The following MGA variants were observed in gnomAD, a reference collection of about 807,000 sequenced individuals.
MGA encodes MAX gene-associated protein.
Under a neutral mutation model 261.1 loss-of-function variants are expected in MGA, and 40 were observed. That is an observed-to-expected ratio of 0.15 (90% confidence interval 0.12 to 0.20). MGA has a LOEUF of 0.20. Among genes scored for constraint, MGA ranks in the 10% least tolerant of loss-of-function variants. MGA has a pLI of 1.00. For missense variants in MGA, 3,397 were observed against 3,630.5 expected (o/e 0.94, Z 1.65); for synonymous variants, 1,302 against 1,290.6 (o/e 1.01, Z -0.19).
At chr15:41,751,004 C>G (rs1365572260) in intron 17 of MGA, 1 of 165,392 alleles carries the variant, frequency 6.0e-6, no homozygotes, top group Non-Finnish European at 1.3e-5. Context: ...GAATGGGTGA[C>G]CTTAGAACTA....
At chr15:41,626,885 A>G (rs1241831050) in intron 1 of MGA, among the ~76,000 whole-genome samples, 1 of 152,054 alleles carries the variant, frequency 6.6e-6, no homozygotes, top group Non-Finnish European at 1.5e-5. Flanking sequence ...AGTTTTTGAG[A>G]TGGAGTCTCT....
At chr15:41,702,056 A>C (rs2059882328) in intron 5 of MGA, among the ~76,000 whole-genome samples, 1 of 152,012 alleles carries the variant, frequency 6.6e-6, no homozygotes, top group Admixed American at 6.6e-5. Flanking sequence ...TCGGTGGCTC[A>C]AGTCTGTAAT....
Position 41,760,391 on chromosome 15 carries a change from G to A in MGA, c.7260G>A (p.Ala2420=), listed in dbSNP as rs753786547. 4.9e-5 allele frequency: 79 copies of A among 1,613,880 alleles called. No homozygotes were observed. The highest frequency in any genetic ancestry group is 1.6e-4 in the Middle Eastern group (1 of 6,084). Residue 2420 remains alanine, a synonymous_variant, in exon 20 of 24, where the codon GCG becomes GCA. Coordinates refer to ENST00000219905, the MANE Select transcript of MGA (RefSeq NM_001164273.2). ...ACAAACTACAGAAAGAAGCAGAAGC[G>A]TTTGCTTATTATCGCCGGACACACA...
intron 22 of MGA, among the ~76,000 whole-genome samples, chr15:41,763,570 C>G (rs921063636): frequency 1.3e-4 from 19 of 151,736 alleles, no homozygotes; most frequent in African/African-American, 4.3e-4. Flanking sequence ...ATGGAGAAAC[C>G]CTGTCTCTAC....
At chr15:41,752,739 G>A (rs2062914177) in intron 17 of MGA, among the ~76,000 whole-genome samples, 1 of 151,612 alleles carries the variant, frequency 6.6e-6, no homozygotes, top group South Asian at 2.1e-4. Context: ...TATTTTTTTA[G>A]TAAAGACAGG....
At chr15:41,762,986 C>T (rs888220792) in intron 22 of MGA, among the ~76,000 whole-genome samples, 1 of 151,678 alleles carries the variant, frequency 6.6e-6, no homozygotes, top group South Asian at 2.1e-4. Flanking sequence ...GATTTCCCTG[C>T]AGTTCTACTG....
intron 9 of MGA, among the ~76,000 whole-genome samples, chr15:41,718,014 CAAA>C (rs759110458): frequency 3.3e-5 from 3 of 90,312 alleles, no homozygotes; most frequent in Non-Finnish European, 2.3e-5. Flanking sequence ...GACCCTGTCT[CAAA>C]AAAAAAAAAA....
chr15:41,698,053 G>A (rs2059634893), intron 3 of MGA, among the ~76,000 whole-genome samples: 1 of 148,862 alleles, frequency 6.7e-6, no homozygotes, highest in Admixed American at 6.7e-5. Context: ...TGTATTTTTA[G>A]TAGAGACGGG....
chr15:41,733,631 A>T (rs1057256755), intron 11 of MGA, among the ~76,000 whole-genome samples: 1 of 152,198 alleles, frequency 6.6e-6, no homozygotes, highest in Non-Finnish European at 1.5e-5. Flanking sequence ...AAAAAAATTT[A>T]AATGTGCATA....
At chr15:41,706,627 C>T (rs1166594632) in intron 5 of MGA, among the ~76,000 whole-genome samples, 1 of 141,094 alleles carries the variant, frequency 7.1e-6, no homozygotes. Flanking sequence ...GTCTCCCAGG[C>T]TGGAGCGCAG....
chr15:41,673,638 G>A (rs2058206515), intron 2 of MGA, among the ~76,000 whole-genome samples: 1 of 148,990 alleles, frequency 6.7e-6, no homozygotes, highest in Non-Finnish European at 1.5e-5. Context: ...TGCTTCCTGG[G>A]TTCAAGTGAT....
At position 41,632,224 on chromosome 15, in the gene MGA, C is replaced by T. The variant is rs545840949; in HGVS notation, c.-68+10926C>T. 2.4e-4 allele frequency among the ~76,000 whole-genome samples: 37 copies of T among 152,256 alleles called. 1 individual carries two copies. The highest frequency in any genetic ancestry group is 8.4e-4 in the African/African-American group (35 of 41,566). On this transcript the variant is annotated intron_variant, in intron 1 of 8. Coordinates refer to the MGA transcript ENST00000566718. ...GATAGTAAATATTTTAATGTATGGA[C>T]CTTAGCGTTTCTTTTAAGTACTACT... is the stretch of plus-strand genomic sequence containing the variant.
chr15:41,748,772 A>G lies in MGA; in HGVS notation c.5348A>G (p.Gln1783Arg). ...AGACCTGTCTCAAACACACAACTTCAGGGACATCGGATGGTCTTGCAGCCT... is the reference window on the plus strand; with the variant it reads ...AGACCTGTCTCAAACACACAACTTCGGGGACATCGGATGGTCTTGCAGCCT... Residue 1783 changes from glutamine to arginine, a missense_variant, in exon 16 of 24, where the codon CAG becomes CGG. Physicochemically the swap from Gln to Arg is conservative, Grantham distance 43. Around this residue, in one of 9 missense-constraint regions of MGA, gnomAD observed 1,410 missense variants for 1,386.4 expected, o/e 1.02. Transcript: ENST00000219905. 6.2e-7 allele frequency: 1 copy of G among 1,613,922 alleles called. No homozygotes were observed. The highest frequency in any genetic ancestry group is 8.5e-7 in the Non-Finnish European group (1 of 1,179,886).
At chr15:41,692,603 G>A (rs1049287744) in intron 2 of MGA, among the ~76,000 whole-genome samples, 1 of 152,200 alleles carries the variant, frequency 6.6e-6, no homozygotes, top group African/African-American at 2.4e-5. Context: ...GAGGTCTTCA[G>A]TATCTTGTAA....
intron 2 of MGA, among the ~76,000 whole-genome samples, chr15:41,685,070 G>T (rs1254525896): frequency 6.6e-6 from 1 of 152,208 alleles, no homozygotes; most frequent in African/African-American, 2.4e-5. Flanking sequence ...TAAGTGAAAT[G>T]TTTGAAAGGG....
intron 2 of MGA, among the ~76,000 whole-genome samples, chr15:41,693,716 G>A (rs1467122379): frequency 6.6e-6 from 1 of 152,054 alleles, no homozygotes; most frequent in Non-Finnish European, 1.5e-5. Context: ...TTTAAGATGA[G>A]GCTGAAATGG....
Position 41,713,578 on chromosome 15 carries a change from T to C in MGA, c.3430+82T>C, listed in dbSNP as rs1304532249. ...TATTTTAGAATAATACAACCTACCT[T>C]AATCCCGATCAATTATCCAATAAGA... On this transcript the variant is annotated intron_variant, in intron 9 of 23. Transcript: ENST00000219905. 2.2e-6 allele frequency: 3 copies of C among 1,394,750 alleles called. No individual in the cohort carries two copies. In the East Asian group the frequency reaches 7.5e-5, roughly 35 times the overall value. The allele number at this position is 1,394,750 out of a possible 1,614,324, so 86.4% of individuals were successfully genotyped here.
intron 8 of MGA, among the ~76,000 whole-genome samples, chr15:41,711,666 A>AT (rs2060392272): frequency 6.6e-6 from 1 of 152,162 alleles, no homozygotes; most frequent in Admixed American, 6.5e-5. Flanking sequence ...ACATTGGCTG[A>AT]TCTTGTTAAA....
intron 5 of MGA, among the ~76,000 whole-genome samples, chr15:41,706,267 T>A (rs2060107516): frequency 2.0e-5 from 3 of 149,454 alleles, no homozygotes; most frequent in Non-Finnish European, 4.4e-5. Flanking sequence ...TAAATAAATA[T>A]GTAATACAAT....
Sources: allele counts gnomAD v4.1 joint callset (sites outside exome capture counted in the v4.1 genomes callset), GRCh38; gene constraint gnomAD v4.1.1; regional missense constraint gnomAD v4.1.1; transcripts MANE v1.5; gene names NCBI Gene and HGNC (gene_info 2026-07-23, HGNC 2026-07-21).